SLCO4C1: variants seen among roughly 807,000 people sequenced by gnomAD.
SLCO4C1 encodes solute carrier organic anion transporter family member 4C1, also known as organic anion transporter M1.
A neutral mutation model predicts 72.1 loss-of-function variants in SLCO4C1; 58 were observed. That is an observed-to-expected ratio of 0.80 (90% CI 0.65 to 1.00). The LOEUF (loss-of-function observed/expected upper bound fraction) is 1.00. Among genes scored for constraint, SLCO4C1 ranks in the 50% least tolerant of loss-of-function variants. The probability of loss-of-function intolerance (pLI) is 0.00; values close to 1 mark genes in which losing one functional copy is unlikely to be tolerated. For missense variants in SLCO4C1, 898 were observed against 857.9 expected, an observed-to-expected ratio of 1.05 and a Z score of -0.58; for synonymous variants, 297 against 312.5, an observed-to-expected ratio of 0.95 and a Z score of 0.52.
In SLCO4C1 at chr5:102,266,081, C is replaced by T. The variant is rs550886659; in HGVS notation, c.803-2301G>A. 2.6e-5 allele frequency among the ~76,000 whole-genome samples: 4 copies of T among 152,072 alleles called. No homozygotes were observed. In the East Asian group the frequency reaches 7.7e-4, roughly 29 times the overall value. On this transcript the variant is annotated intron_variant, in intron 3 of 12. Coordinates refer to ENST00000310954, the MANE Select transcript of SLCO4C1 (RefSeq NM_180991.5). ...TTTGTAACCATTATAAATGATATTA[C>T]TTTCTTGATATATTTTTCAACTAGT...
chr5:102,292,331 A>G (rs1360240075), intron 1 of SLCO4C1, among the ~76,000 whole-genome samples: 1 of 152,192 alleles, frequency 6.6e-6, no homozygotes, highest in Non-Finnish European at 1.5e-5. Flanking sequence ...AGAAGACTAC[A>G]AAAGGCACAA....
rs1749306360 is a variant in SLCO4C1 at position 102,279,043 on chromosome 5, T to C, written c.620-8237A>G. On this transcript the variant is annotated intron_variant, in intron 2 of 12. Transcript: ENST00000310954. Reference sequence around the variant, plus strand: ...AACTATAGAGAAAAATCAATGAAACTAAAAGTTCATTTTCTGAAAAGATGA... The same window carrying C: ...AACTATAGAGAAAAATCAATGAAACCAAAAGTTCATTTTCTGAAAAGATGA... 2.6e-5 allele frequency among the ~76,000 whole-genome samples: 4 copies of C among 151,666 alleles called. No individual in the cohort carries two copies. In the South Asian group the frequency reaches 8.3e-4, roughly 31 times the overall value.
chr5:102,254,920 G>T (rs1011502672), intron 8 of SLCO4C1, among the ~76,000 whole-genome samples: 1 of 151,846 alleles, frequency 6.6e-6, no homozygotes, highest in Non-Finnish European at 1.5e-5. Context: ...TCTTTTATAC[G>T]TGTTTCTTAG....
At chr5:102,263,539 A>G in intron 4 of SLCO4C1, 145 bp downstream of exon 4, 2 of 572,888 alleles carry the variant, frequency 3.5e-6, no homozygotes, top group Non-Finnish European at 6.0e-6. Flanking sequence ...AAGATATTAT[A>G]TAAGAATTCT....
chr5:102,257,012 A>G, intron 8 of SLCO4C1, 103 bp downstream of exon 8: 1 of 1,001,818 alleles, frequency 1.0e-6, no homozygotes, highest in Non-Finnish European at 1.3e-6. Context: ...GGTCTTCCAA[A>G]TTTTTAAAAA....
rs566813910 is a variant in SLCO4C1 at position 102,260,332 on chromosome 5, T to A, written c.1022-13A>T. On this transcript the variant is annotated splice_polypyrimidine_tract_variant and intron_variant, in intron 5 of 12. Transcript: ENST00000310954. Reference sequence around the variant, plus strand: ...ATTTCTGCTGTACCTAAAAAAAAAATATATATATATATATAATATATATAT... The same window carrying A: ...ATTTCTGCTGTACCTAAAAAAAAAAAATATATATATATATAATATATATAT... 553 of 16,934 alleles carry A rather than the reference T, an allele frequency of 0.033. 1 individual carries two copies. The highest frequency in any genetic ancestry group is 0.053 in the African/African-American group (37 of 704). 1.0% of individuals were successfully genotyped at this position (16,934 alleles called of 1,614,324 possible).
intron 10 of SLCO4C1, among the ~76,000 whole-genome samples, chr5:102,246,711 A>G (rs1748642002): frequency 6.6e-6 from 1 of 152,208 alleles, no homozygotes; most frequent in South Asian, 2.1e-4. Context: ...AAAGATATAC[A>G]AAGACTGATG....
At chr5:102,294,041 T>C (rs1214656396) in intron 1 of SLCO4C1, among the ~76,000 whole-genome samples, 2 of 152,228 alleles carry the variant, frequency 1.3e-5, no homozygotes, top group Non-Finnish European at 1.5e-5. Context: ...TCCAAGTAGC[T>C]GGGATTGCAG....
intron 2 of SLCO4C1, among the ~76,000 whole-genome samples, chr5:102,283,494 G>A (rs1184456742): frequency 6.6e-6 from 1 of 151,330 alleles, no homozygotes; most frequent in African/African-American, 2.4e-5. Context: ...AACACACACT[G>A]GCAAATTTGT....
At chr5:102,267,620 T>A (rs1749066531) in intron 3 of SLCO4C1, among the ~76,000 whole-genome samples, 1 of 134,484 alleles carries the variant, frequency 7.4e-6, no homozygotes, top group Admixed American at 7.8e-5. Context: ...TCTTGTTTAG[T>A]TCTGTTATAG....
At chr5:102,256,367 C>G (rs868682050) in intron 8 of SLCO4C1, among the ~76,000 whole-genome samples, 1 of 152,116 alleles carries the variant, frequency 6.6e-6, no homozygotes, top group Non-Finnish European at 1.5e-5. Flanking sequence ...ATATTTATAT[C>G]ATCTATATGT....
At chr5:102,278,676 CA>C (rs1190369271) in intron 2 of SLCO4C1, among the ~76,000 whole-genome samples, 2 of 151,922 alleles carry the variant, frequency 1.3e-5, no homozygotes, top group Non-Finnish European at 2.9e-5. Flanking sequence ...ACATCATTAA[CA>C]AAATGATAAC....
intron 2 of SLCO4C1, among the ~76,000 whole-genome samples, chr5:102,271,319 A>C (rs1749148739): frequency 6.6e-6 from 1 of 150,962 alleles, no homozygotes; most frequent in Non-Finnish European, 1.5e-5. Flanking sequence ...TTAATAATAA[A>C]TATTATTAAT....
At chr5:102,265,008 T>C (rs1410235414) in intron 3 of SLCO4C1, among the ~76,000 whole-genome samples, 1 of 152,032 alleles carries the variant, frequency 6.6e-6, no homozygotes, top group Non-Finnish European at 1.5e-5. Flanking sequence ...ACATTTCGCA[T>C]TTTCTTTATT....
At chr5:102,270,603 C>A in intron 3 of SLCO4C1, 21 bp downstream of exon 3, 2 of 1,566,908 alleles carry the variant, frequency 1.3e-6, no homozygotes, top group Non-Finnish European at 1.7e-6. Flanking sequence ...GATACTGAGA[C>A]AGTTTAGAGA....
intron 8 of SLCO4C1, among the ~76,000 whole-genome samples, chr5:102,252,237 T>C (rs1748753016): frequency 6.6e-6 from 1 of 152,064 alleles, no homozygotes; most frequent in Non-Finnish European, 1.5e-5. Context: ...GTGATTTCTG[T>C]AAGTATTAGA....
chr5:102,237,115 G>T (rs376155691), intron 12 of SLCO4C1, 97 bp from the exon 13 acceptor site: 1 of 1,201,560 alleles, frequency 8.3e-7, no homozygotes, highest in Non-Finnish European at 1.1e-6. Context: ...TTTTTAAAGA[G>T]AATAATTACA....
chr5:102,284,760 A>C (rs2600825), intron 2 of SLCO4C1, among the ~76,000 whole-genome samples: 121,133 of 152,046 alleles, frequency 0.8, 48,629 homozygotes, highest in African/African-American at 0.9. Context: ...TTGCTAAAGG[A>C]CATGGATTTT....
At chr5:102,287,711 A>T (rs1749480999) in intron 2 of SLCO4C1, among the ~76,000 whole-genome samples, 2 of 148,354 alleles carry the variant, frequency 1.3e-5, no homozygotes, top group South Asian at 2.1e-4. Context: ...CACATGGCTA[A>T]TTTTTTTTTT....
Sources: gnomAD v4.1 joint callset for allele counts (sites outside exome capture counted in the v4.1 genomes callset) on GRCh38, gnomAD v4.1.1 for gene constraint, MANE v1.5 for transcripts, NCBI Gene and HGNC (gene_info 2026-07-23, HGNC 2026-07-21) for gene names.